Variants in CISD2 observed in about 807,000 individuals in gnomAD.
CISD2 encodes CDGSH iron sulfur domain 2.
Under a neutral mutation model 12.9 loss-of-function variants are expected in CISD2, and 1 was observed. The ratio of observed to expected loss-of-function variants is 0.08; its 90% CI spans 0.03 to 0.37. The LOEUF (loss-of-function observed/expected upper bound fraction) is 0.37, where lower values mean the gene tolerates loss of function less well. CISD2 is among the 10% of genes least tolerant of loss of function. The pLI is 0.99. For missense variants in CISD2, 97 were observed against 163.1 expected (o/e 0.59, Z 2.21); for synonymous variants, 50 against 60.6 (o/e 0.83, Z 0.81).
chr4:102,891,316 G>C lies in CISD2; in HGVS notation c.*3886G>C, dbSNP rs965971116. 7 of 152,138 alleles carry C rather than the reference G, an allele frequency of 4.6e-5. No individual in the cohort carries two copies. The highest frequency in any genetic ancestry group is 1.7e-4 in the African/African-American group (7 of 41,424). 9.4% of individuals were successfully genotyped at this position (152,138 alleles called of 1,614,324 possible). Reference sequence around the variant, plus strand: ...TCTTAACAAATCACAAGTATCAAAAGGGTCTTGCAGAAGGGGTGAACTACA... The same window carrying C: ...TCTTAACAAATCACAAGTATCAAAACGGTCTTGCAGAAGGGGTGAACTACA... On this transcript the variant is annotated 3_prime_UTR_variant, in exon 3 of 3. Transcript: ENST00000273986.
intron 1 of CISD2, 73 bp from the exon 2 acceptor site, chr4:102,885,143 G>A: frequency 8.8e-7 from 1 of 1,137,516 alleles, no homozygotes; most frequent in East Asian, 2.4e-5. Context: ...ATAAGCTCAA[G>A]GATGAAACTA....
At chr4:102,879,408 G>T (rs1275560888) in intron 1 of CISD2, among the ~76,000 whole-genome samples, 1 of 152,042 alleles carries the variant, frequency 6.6e-6, no homozygotes, top group Non-Finnish European at 1.5e-5. Context: ...AAACTTTCTG[G>T]GGCAATGGAA....
At chr4:102,878,431 G>T (rs981834854) in intron 1 of CISD2, among the ~76,000 whole-genome samples, 4 of 152,248 alleles carry the variant, frequency 2.6e-5, no homozygotes, top group Non-Finnish European at 5.9e-5. Context: ...CACCCAGCTG[G>T]GTTTTTCTTT....
At chr4:102,886,563 T>C (rs223313) in intron 2 of CISD2, among the ~76,000 whole-genome samples, 86,845 of 152,090 alleles carry the variant, frequency 0.57, 25,973 homozygotes, top group African/African-American at 0.76. Flanking sequence ...ATTATTATTA[T>C]GTGTATCTGG....
chr4:102,884,286 T>C (rs223315), intron 1 of CISD2, among the ~76,000 whole-genome samples: 82,859 of 152,018 alleles, frequency 0.55, 23,175 homozygotes, highest in African/African-American at 0.68. Flanking sequence ...GCCCTTATAC[T>C]CTTAGCATAA....
At chr4:102,884,582 G>C (rs1467867684) in intron 1 of CISD2, among the ~76,000 whole-genome samples, 3 of 152,090 alleles carry the variant, frequency 2.0e-5, no homozygotes. Flanking sequence ...TATATTCCCT[G>C]TCCCCTTAAG....
intron 1 of CISD2, among the ~76,000 whole-genome samples, chr4:102,875,583 CAAGT>C (rs1234001212): frequency 6.6e-6 from 1 of 152,286 alleles, no homozygotes; most frequent in Non-Finnish European, 1.5e-5. Context: ...TGAACAAAGA[CAAGT>C]AAGTACAGAC....
At chr4:102,885,054 T>C in intron 1 of CISD2, 162 bp from the exon 2 acceptor site, 1 of 637,364 alleles carries the variant, frequency 1.6e-6, no homozygotes, top group East Asian at 2.9e-5. Flanking sequence ...TGGTCTTTGG[T>C]AGAGCTGGCT....
intron 1 of CISD2, among the ~76,000 whole-genome samples, chr4:102,876,042 T>C (rs777212036): frequency 6.6e-6 from 1 of 152,260 alleles, no homozygotes; most frequent in Non-Finnish European, 1.5e-5. Context: ...TCATCCTTTA[T>C]TTCCTTTATA....
In CISD2 at chr4:102,889,458, T is replaced by C. The variant is rs1734118543; in HGVS notation, c.*2028T>C. 6.6e-6 allele frequency: 1 copy of C among 152,260 alleles called. No homozygotes were observed. Among genetic ancestry groups the C allele is most frequent in the East Asian group, 1.9e-4 (1 of 5,204 alleles). The allele number at this position is 152,260 out of a possible 1,614,324, so 9.4% of individuals were successfully genotyped here. A position where few individuals can be genotyped will look rare whatever the true frequency, so the allele number is the denominator to read the frequency against. ...TCTCACAGCAACTTGTTTTCACACA[T>C]GTTCTAGTGGTTCCCATAACTTAGA... On this transcript the variant is annotated 3_prime_UTR_variant, in exon 3 of 3. Coordinates refer to ENST00000273986, the MANE Select transcript of CISD2 (RefSeq NM_001008388.5).
At chr4:102,879,786 A>G (rs1236773542) in intron 1 of CISD2, among the ~76,000 whole-genome samples, 1 of 152,096 alleles carries the variant, frequency 6.6e-6, no homozygotes, top group Admixed American at 6.5e-5. Flanking sequence ...ACAAACAAAC[A>G]AAAAGCACAA....
At chr4:102,885,811 C>T (rs1189839991) in intron 2 of CISD2, among the ~76,000 whole-genome samples, 3 of 152,184 alleles carry the variant, frequency 2.0e-5, no homozygotes, top group African/African-American at 4.8e-5. Flanking sequence ...AATTTTTAAT[C>T]TCTAATCTTC....
Position 102,887,614 on chromosome 4 carries a change from G to A in CISD2, c.*184G>A, listed in dbSNP as rs1733997198. 1 of 455,624 alleles carries A rather than the reference G, an allele frequency of 2.2e-6. No homozygotes were observed. 28.2% of individuals were successfully genotyped at this position (455,624 alleles called of 1,614,324 possible). ...ATTAAATTGTCAAGCCTCTTATTCTGACTTCAAAGAATTAATGTATCTTCC... is the reference window on the plus strand; with the variant it reads ...ATTAAATTGTCAAGCCTCTTATTCTAACTTCAAAGAATTAATGTATCTTCC... On this transcript the variant is annotated 3_prime_UTR_variant, in exon 3 of 3. Coordinates refer to ENST00000273986, the MANE Select transcript of CISD2 (RefSeq NM_001008388.5).
intron 1 of CISD2, among the ~76,000 whole-genome samples, chr4:102,876,968 A>G (rs1733607611): frequency 6.6e-6 from 1 of 152,148 alleles, no homozygotes; most frequent in Admixed American, 6.5e-5. Context: ...CAGCATGGGG[A>G]AAACCACTCC....
chr4:102,885,133 A>G (rs993494308), intron 1 of CISD2, 83 bp from the exon 2 acceptor site: 66 of 1,099,348 alleles, frequency 6.0e-5, no homozygotes, highest in Non-Finnish European at 7.7e-5. Context: ...GTAACAAAGA[A>G]TAAGCTCAAG....
chr4:102,870,033 C>T (rs1733389785), intron 1 of CISD2, among the ~76,000 whole-genome samples: 1 of 152,150 alleles, frequency 6.6e-6, no homozygotes, highest in African/African-American at 2.4e-5. Context: ...AAACGGAACT[C>T]AGACCGAGTA....
chr4:102,878,307 T>G (rs1229447426), intron 1 of CISD2, among the ~76,000 whole-genome samples: 2 of 152,068 alleles, frequency 1.3e-5, no homozygotes, highest in African/African-American at 4.8e-5. Context: ...AATTTTGTAT[T>G]TTTAGTAGAG....
intron 1 of CISD2, among the ~76,000 whole-genome samples, chr4:102,870,727 A>G (rs1036624496): frequency 6.6e-6 from 1 of 152,228 alleles, no homozygotes; most frequent in Non-Finnish European, 1.5e-5. Flanking sequence ...CAGCAATTCC[A>G]TAAAATTTTG....
At chr4:102,886,357 G>A (rs1257199872) in intron 2 of CISD2, among the ~76,000 whole-genome samples, 1 of 151,960 alleles carries the variant, frequency 6.6e-6, no homozygotes, top group Non-Finnish European at 1.5e-5. Flanking sequence ...CAGGCGTGGT[G>A]GCATGCACCT....
Sources: allele counts gnomAD v4.1 joint callset (sites outside exome capture counted in the v4.1 genomes callset), GRCh38; gene constraint gnomAD v4.1.1; transcripts MANE v1.5; gene names NCBI Gene and HGNC (gene_info 2026-07-23, HGNC 2026-07-21).